The following LDLRAD3 variants were observed in gnomAD, a reference collection of about 807,000 sequenced individuals.
LDLRAD3 encodes the protein low-density lipoprotein receptor class A domain-containing protein 3.
Under a neutral mutation model 29.4 loss-of-function variants are expected in LDLRAD3, and 20 were observed. The observed-to-expected ratio is 0.68, with a 90% CI of 0.48 to 0.99. LDLRAD3 has a LOEUF of 0.99. Ranked by LOEUF, LDLRAD3 falls within the 50% of genes least tolerant of loss-of-function variation. The probability of loss-of-function intolerance (pLI) is 0.00; values close to 1 mark genes in which losing one functional copy is unlikely to be tolerated. For missense variants in LDLRAD3, 420 were observed against 454.3 expected (o/e 0.92, Z 0.69); for synonymous variants, 157 against 192.7 (o/e 0.81, Z 1.53).
chr11:36,076,781 A>G (rs1047639477), intron 2 of LDLRAD3, among the ~76,000 whole-genome samples: 1 of 152,198 alleles, frequency 6.6e-6, no homozygotes, highest in African/African-American at 2.4e-5. Context: ...CCCAGAAGAC[A>G]GTTTCAGAAT....
At chr11:36,132,423 C>A (rs949588197) in intron 4 of LDLRAD3, among the ~76,000 whole-genome samples, 2 of 150,408 alleles carry the variant, frequency 1.3e-5, no homozygotes, top group East Asian at 3.9e-4. Context: ...GCTAAACTTA[C>A]ACAGTGTTGA....
intron 4 of LDLRAD3, among the ~76,000 whole-genome samples, chr11:36,151,196 T>G (rs558263664): frequency 6.6e-6 from 1 of 152,306 alleles, no homozygotes; most frequent in South Asian, 2.1e-4. Context: ...TGCTCATATC[T>G]GGGAATGACC....
chr11:36,187,742 A>C (rs1326478303), intron 4 of LDLRAD3, among the ~76,000 whole-genome samples: 1 of 152,180 alleles, frequency 6.6e-6, no homozygotes, highest in Non-Finnish European at 1.5e-5. Context: ...GTAGGGTGAG[A>C]AACACTATCC....
At chr11:36,159,637 G>C (rs939934316) in intron 4 of LDLRAD3, among the ~76,000 whole-genome samples, 1 of 146,510 alleles carries the variant, frequency 6.8e-6, no homozygotes, top group Non-Finnish European at 1.5e-5. Context: ...GCCAGATGTG[G>C]TGACATGCTC....
chr11:36,168,940 G>C (rs141592288), intron 4 of LDLRAD3, among the ~76,000 whole-genome samples: 1 of 152,106 alleles, frequency 6.6e-6, no homozygotes, highest in Admixed American at 6.6e-5. Context: ...AGCTGAACAC[G>C]TTTAAAAGAG....
intron 4 of LDLRAD3, among the ~76,000 whole-genome samples, chr11:36,193,969 A>G (rs1402704940): frequency 1.3e-5 from 2 of 152,222 alleles, no homozygotes; most frequent in Non-Finnish European, 2.9e-5. Context: ...TACTGTCATT[A>G]TTCCCAGTTT....
intron 1 of LDLRAD3, among the ~76,000 whole-genome samples, chr11:35,984,631 T>C (rs563196845): frequency 1.2e-4 from 19 of 152,226 alleles, no homozygotes; most frequent in African/African-American, 4.6e-4. Flanking sequence ...TCATTGTTCT[T>C]TTTGTTTGTT....
chr11:36,034,407 T>G (rs193015397), intron 1 of LDLRAD3, among the ~76,000 whole-genome samples: 110 of 152,154 alleles, frequency 7.2e-4, no homozygotes, highest in African/African-American at 2.5e-3. Context: ...TGGCCACATA[T>G]AGGGGTTGAT....
At chr11:36,082,057 A>G (rs1853124309) in intron 3 of LDLRAD3, among the ~76,000 whole-genome samples, 1 of 152,234 alleles carries the variant, frequency 6.6e-6, no homozygotes, top group Admixed American at 6.5e-5. Context: ...TAGTTAACAG[A>G]TAAGAAATTT....
At chr11:36,020,938 G>T (rs1269089515) in intron 1 of LDLRAD3, among the ~76,000 whole-genome samples, 1 of 152,254 alleles carries the variant, frequency 6.6e-6, no homozygotes, top group Non-Finnish European at 1.5e-5. Context: ...GGTAAGAGAA[G>T]CATTTGGACT....
At chr11:36,040,679 C>T (rs958865219) in intron 2 of LDLRAD3, among the ~76,000 whole-genome samples, 2 of 152,090 alleles carry the variant, frequency 1.3e-5, no homozygotes, top group South Asian at 2.1e-4. Context: ...GAGAAATTTG[C>T]TTAGGCTAAA....
chr11:36,098,595 C>T lies in LDLRAD3; in HGVS notation c.454+134C>T, dbSNP rs539097157. ...CTGTTAGTTTTTGCACTCAGCCTTG[C>T]AGCCCTTGTACAGGTAGGTACCCGT... is the stretch of plus-strand genomic sequence containing the variant. On this transcript the variant is annotated intron_variant, in intron 4 of 5. Transcript: ENST00000315571. 7.6e-4 allele frequency: 771 copies of T among 1,017,824 alleles called. 2 individuals carry two copies. In the African/African-American group the frequency reaches 0.011, roughly 15 times the overall value. The allele number at this position is 1,017,824 out of a possible 1,614,324, so 63.0% of individuals were successfully genotyped here. A position where few individuals can be genotyped will look rare whatever the true frequency, so the allele number is the denominator to read the frequency against.
rs765069520 is a variant in LDLRAD3, at chr11:36,036,116, C to T, written c.60C>T (p.Leu20=). Reference sequence around the variant, plus strand: ...TCTCTCTGACAGAGAGCCAGCTGCTCCCCGGGAACAACTTCACCAATGAGT... The same window carrying T: ...TCTCTCTGACAGAGAGCCAGCTGCTTCCCGGGAACAACTTCACCAATGAGT... ...LLSSAAESQL[L]PGNNFTNECN... The change falls in exon 2 of 6, where the codon CTC becomes CTT. Residue 20 remains leucine (L), a synonymous_variant. Transcript: ENST00000315571. The T allele has an allele frequency of 6.2e-7, 1 of 1,613,894 alleles. No individual in the cohort carries two copies. The highest frequency in any genetic ancestry group is 1.1e-5 in the South Asian group (1 of 91,056).
At chr11:36,129,288 G>C (rs982644324) in intron 4 of LDLRAD3, among the ~76,000 whole-genome samples, 1 of 152,200 alleles carries the variant, frequency 6.6e-6, no homozygotes. Context: ...GATTTGGCTT[G>C]CAACTGTCGA....
chr11:36,137,117 A>T (rs1049559730), intron 4 of LDLRAD3, among the ~76,000 whole-genome samples: 6 of 152,212 alleles, frequency 3.9e-5, no homozygotes, highest in African/African-American at 1.4e-4. Context: ...CAGCATAGAT[A>T]TTAGGAAGAG....
At chr11:36,018,583 T>C (rs761474544) in intron 1 of LDLRAD3, among the ~76,000 whole-genome samples, 19 of 152,214 alleles carry the variant, frequency 1.2e-4, no homozygotes, top group Non-Finnish European at 2.1e-4. Context: ...TCTCCCTGCA[T>C]TTATATATTT....
intron 4 of LDLRAD3, among the ~76,000 whole-genome samples, chr11:36,223,668 A>G (rs1237580098): frequency 6.6e-6 from 1 of 152,138 alleles, no homozygotes; most frequent in Non-Finnish European, 1.5e-5. Context: ...TGTTGAACCA[A>G]GATCGCGCCA....
chr11:36,014,634 T>G (rs1485495480), intron 1 of LDLRAD3, among the ~76,000 whole-genome samples: 1 of 152,174 alleles, frequency 6.6e-6, no homozygotes, highest in Non-Finnish European at 1.5e-5. Context: ...TTCAGACTCC[T>G]TCCTGAACAT....
At chr11:36,111,876 C>T (rs1410323435) in intron 4 of LDLRAD3, among the ~76,000 whole-genome samples, 11 of 152,214 alleles carry the variant, frequency 7.2e-5, no homozygotes, top group African/African-American at 1.4e-4. Flanking sequence ...GGGTTACAGG[C>T]GTGAGCCACC....
Sources: allele counts gnomAD v4.1 joint callset (sites outside exome capture counted in the v4.1 genomes callset), GRCh38; gene constraint gnomAD v4.1.1; transcripts MANE v1.5; gene names NCBI Gene and HGNC (gene_info 2026-07-23, HGNC 2026-07-21).